PPM1A: variants seen among roughly 807,000 people sequenced by gnomAD.
PPM1A encodes protein phosphatase 1A.
In PPM1A, 7 loss-of-function variants were observed where a neutral mutation model predicts 35.0. That is an observed-to-expected ratio of 0.20 (90% CI 0.11 to 0.38). The LOEUF is 0.38. Among genes scored for constraint, PPM1A ranks in the 10% least tolerant of loss-of-function variants. The probability of loss-of-function intolerance (pLI) is 1.00; values close to 1 mark genes in which losing one functional copy is unlikely to be tolerated. For synonymous variants in PPM1A, 153 were observed against 167.3 expected (o/e 0.91, Z 0.66); for missense variants, 239 against 467.8 (o/e 0.51, Z 4.51).
intron 1 of PPM1A, among the ~76,000 whole-genome samples, chr14:60,270,639 G>A (rs530535372): frequency 1.3e-5 from 2 of 152,132 alleles, no homozygotes. Flanking sequence ...TTATTTTTGA[G>A]AGAAATGATA....
Position 60,249,235 on chromosome 14 carries a change from C to T in PPM1A, c.-463C>T, listed in dbSNP as rs1595244732. The T allele has an allele frequency of 2.0e-6, 2 of 987,278 alleles. No homozygotes were observed. Among genetic ancestry groups the T allele is most frequent in the Non-Finnish European group, 2.4e-6 (2 of 831,760 alleles). 61.2% of individuals were successfully genotyped at this position (987,278 alleles called of 1,614,324 possible). A position where few individuals can be genotyped will look rare whatever the true frequency, so the allele number is the denominator to read the frequency against. On this transcript the variant is annotated 5_prime_UTR_variant, in exon 1 of 6. Transcript: ENST00000395076. The surrounding 1 kb of genome is among the most constrained non-coding windows in gnomAD (Gnocchi z 4.5). ...GGGGCCGCGCTAGAGGCGGCGGCGG[C>T]GGCGGTGGCGGCGCTAGGGACGGGA...
intron 1 of PPM1A, among the ~76,000 whole-genome samples, chr14:60,263,877 A>AT (rs568763744): frequency 2.6e-5 from 4 of 151,074 alleles, no homozygotes; most frequent in African/African-American, 4.8e-5. Context: ...GTATTTGGTG[A>AT]TTTTTTTTAT....
chr14:60,263,411 T>C (rs1884001868), intron 1 of PPM1A, among the ~76,000 whole-genome samples: 1 of 152,236 alleles, frequency 6.6e-6, no homozygotes, highest in Non-Finnish European at 1.5e-5. Flanking sequence ...ATTGAGCAGT[T>C]CCCAAATGGC....
At chr14:60,287,292 C>T (rs1054019883) in intron 3 of PPM1A, 1 of 983,056 alleles carries the variant, frequency 1.0e-6, no homozygotes, top group Non-Finnish European at 1.2e-6. Flanking sequence ...GAGTTGCCAC[C>T]TGGACAGAGT....
In PPM1A at chr14:60,249,584, G is replaced by T; in HGVS notation, c.-114G>T. The T allele has an allele frequency of 1.0e-6, 1 of 986,956 alleles. No individual in the cohort carries two copies. The highest frequency in any genetic ancestry group is 1.2e-6 in the Non-Finnish European group (1 of 831,344). The allele number at this position is 986,956 out of a possible 1,614,324, so 61.1% of individuals were successfully genotyped here. ...CCGCTGCAGCGGTGACCCCTCCCCC[G>T]GCTGCCGCCGTCGCCGCCGCGGTGA... is the stretch of plus-strand genomic sequence containing the variant. On this transcript the variant is annotated 5_prime_UTR_variant, in exon 1 of 6. Coordinates refer to ENST00000395076, the MANE Select transcript of PPM1A (RefSeq NM_021003.5). This position sits in a 1 kb window ranked among gnomAD's most constrained non-coding sequence, Gnocchi z 4.5.
rs141661118 is a variant in PPM1A at position 60,252,938 on chromosome 14, G to C, written c.-21+3261G>C. ...GCTTTTCTTTTGCTGAGGCAGGTCA[G>C]AGCTAGAGAAAGTAAGCAATTGAGA... On this transcript the variant is annotated intron_variant, in intron 1 of 5. Coordinates refer to ENST00000395076, the MANE Select transcript of PPM1A (RefSeq NM_021003.5). 2.0e-3 allele frequency among the ~76,000 whole-genome samples: 304 copies of C among 152,268 alleles called. 1 individual carries two copies. The highest frequency in any genetic ancestry group is 3.1e-3 in the Admixed American group (48 of 15,306).
At chr14:60,264,635 T>C (rs1884165207) in intron 1 of PPM1A, among the ~76,000 whole-genome samples, 1 of 152,208 alleles carries the variant, frequency 6.6e-6, no homozygotes, top group African/African-American at 2.4e-5. Flanking sequence ...TCTTTCTTTG[T>C]TTCTAGAAAA....
At chr14:60,276,927 G>A in intron 1 of PPM1A, 1 of 515,892 alleles carries the variant, frequency 1.9e-6, no homozygotes, top group Non-Finnish European at 2.7e-6. Context: ...GGATTAGTTT[G>A]GTTTTTAAAA....
At position 60,292,564 on chromosome 14, in the gene PPM1A, C is replaced by T; in HGVS notation, c.*82C>T. 1 of 1,285,734 alleles carries T rather than the reference C, an allele frequency of 7.8e-7. No individual in the cohort carries two copies. Among genetic ancestry groups the T allele is most frequent in the Middle Eastern group, 1.9e-4 (1 of 5,336 alleles). 79.6% of individuals were successfully genotyped at this position (1,285,734 alleles called of 1,614,324 possible). Reference sequence around the variant, plus strand: ...CTTTGTTGAAACTTTTAACATCCATCCTCAACTTTAAGGAAGGGGATATGA... The same window carrying T: ...CTTTGTTGAAACTTTTAACATCCATTCTCAACTTTAAGGAAGGGGATATGA... On this transcript the variant is annotated 3_prime_UTR_variant, in exon 6 of 6. Transcript: ENST00000395076. The surrounding 1 kb of genome is among the most constrained non-coding windows in gnomAD (Gnocchi z 4.2).
chr14:60,249,572 G>T lies in PPM1A; in HGVS notation c.-126G>T. ...TGACCTGGCCCGCCGCTGCAGCGGT[G>T]ACCCCTCCCCCGGCTGCCGCCGTCG... On this transcript the variant is annotated 5_prime_UTR_variant, in exon 1 of 6. Transcript: ENST00000395076. This position sits in a 1 kb window ranked among gnomAD's most constrained non-coding sequence, Gnocchi z 4.5. 1.3e-5 allele frequency: 13 copies of T among 986,290 alleles called. No individual in the cohort carries two copies. The highest frequency in any genetic ancestry group is 1.6e-5 in the Non-Finnish European group (13 of 830,614). The allele number at this position is 986,290 out of a possible 1,614,324, so 61.1% of individuals were successfully genotyped here.
rs867022825 is a variant in PPM1A, at chr14:60,289,166, G to C, written c.953-640G>C. Among the ~76,000 whole-genome samples, 9 of 151,932 alleles carry C rather than the reference G, an allele frequency of 5.9e-5. No individual in the cohort carries two copies. The highest frequency in any genetic ancestry group is 1.0e-4 in the Non-Finnish European group (7 of 67,922). On this transcript the variant is annotated intron_variant, in intron 3 of 5. Coordinates refer to ENST00000395076, the MANE Select transcript of PPM1A (RefSeq NM_021003.5). The surrounding 1 kb of genome is among the most constrained non-coding windows in gnomAD (Gnocchi z 4.1). ...GAAATTTAGACCTTTTCTATTCAAG[G>C]CTTTGTTGAAGTAATCAGTGAAGGA...
At position 60,295,566 on chromosome 14, in the gene PPM1A, C is replaced by G. The variant is rs1340086674; in HGVS notation, c.*3084C>G. ...TACAGCAGTACTTTTAGTGATCATTCATAGGACTATATATTAACCCAGCTA... is the reference window on the plus strand; with the variant it reads ...TACAGCAGTACTTTTAGTGATCATTGATAGGACTATATATTAACCCAGCTA... On this transcript the variant is annotated 3_prime_UTR_variant, in exon 6 of 6. Transcript: ENST00000395076. 1 of 151,602 alleles carries G rather than the reference C, an allele frequency of 6.6e-6. No individual in the cohort carries two copies. Among genetic ancestry groups the G allele is most frequent in the Non-Finnish European group, 1.5e-5 (1 of 67,690 alleles). 9.4% of individuals were successfully genotyped at this position (151,602 alleles called of 1,614,324 possible). A position where few individuals can be genotyped will look rare whatever the true frequency, so the allele number is the denominator to read the frequency against.
chr14:60,256,063 G>A (rs1883100418), intron 1 of PPM1A, among the ~76,000 whole-genome samples: 1 of 152,188 alleles, frequency 6.6e-6, no homozygotes, highest in African/African-American at 2.4e-5. Context: ...TGCATACTCT[G>A]TGTTCAAATA....
At chr14:60,268,552 T>G in intron 1 of PPM1A, 1 of 268,298 alleles carries the variant, frequency 3.7e-6, no homozygotes, top group African/African-American at 2.4e-5. Context: ...ACGTAATATA[T>G]TCCTTCAGCT....
intron 1 of PPM1A, among the ~76,000 whole-genome samples, chr14:60,263,822 C>T (rs532807880): frequency 3.9e-4 from 59 of 152,186 alleles, no homozygotes; most frequent in Admixed American, 2.1e-3. Flanking sequence ...ATTCCAATAT[C>T]GGAAGTCCTT....
intron 1 of PPM1A, chr14:60,250,265 C>T (rs145789610): frequency 2.8e-5 from 5 of 181,296 alleles, no homozygotes; most frequent in Middle Eastern, 2.8e-3. Flanking sequence ...ATTATTAAGG[C>T]ATCGAACAAA....
chr14:60,296,924 G>C lies in PPM1A; in HGVS notation c.*4442G>C, dbSNP rs1314518143. The C allele has an allele frequency of 3.6e-6, 1 of 274,280 alleles. No homozygotes were observed. The highest frequency in any genetic ancestry group is 6.7e-6 in the Non-Finnish European group (1 of 148,716). The allele number at this position is 274,280 out of a possible 1,614,324, so 17.0% of individuals were successfully genotyped here. On this transcript the variant is annotated 3_prime_UTR_variant, in exon 6 of 6. Transcript: ENST00000395076. This position sits in a 1 kb window ranked among gnomAD's most constrained non-coding sequence, Gnocchi z 4.4. ...TAAGATAGTGGCTTCTGCTCTCACT[G>C]TTTTCCTATTTATATTACTAGCAGG... is the stretch of plus-strand genomic sequence containing the variant.
chr14:60,289,647 A>T lies in PPM1A; in HGVS notation c.953-159A>T, dbSNP rs532387386. Among the ~76,000 whole-genome samples, 1 of 152,240 alleles carries T rather than the reference A, an allele frequency of 6.6e-6. No homozygotes were observed. Among genetic ancestry groups the T allele is most frequent in the East Asian group, 1.9e-4 (1 of 5,186 alleles). On this transcript the variant is annotated intron_variant, in intron 3 of 5. Coordinates refer to ENST00000395076, the MANE Select transcript of PPM1A (RefSeq NM_021003.5). This position sits in a 1 kb window ranked among gnomAD's most constrained non-coding sequence, Gnocchi z 4.1. ...TGTGCATTTTTTGTCATAAATCTTC[A>T]AAGGTCAACCTGATTTTTTTTTTTT...
chr14:60,253,741 T>C (rs570685412), intron 1 of PPM1A, among the ~76,000 whole-genome samples: 3 of 152,344 alleles, frequency 2.0e-5, no homozygotes, highest in Non-Finnish European at 4.4e-5. Flanking sequence ...TACCATTGTT[T>C]AGGTTAAGGA....
Sources: allele counts gnomAD v4.1 joint callset (sites outside exome capture counted in the v4.1 genomes callset), GRCh38; gene constraint gnomAD v4.1.1; non-coding constraint Gnocchi (gnomAD v3.1); transcripts MANE v1.5; gene names NCBI Gene and HGNC (gene_info 2026-07-23, HGNC 2026-07-21).